The following ANKS1B variants were observed in gnomAD, a reference collection of about 807,000 sequenced individuals.
ANKS1B encodes the protein ankyrin repeat and sterile alpha motif domain-containing protein 1B.
In ANKS1B, 36 loss-of-function variants were observed where a neutral mutation model predicts 148.3. That is an observed-to-expected ratio of 0.24 (90% CI 0.19 to 0.32). The LOEUF (loss-of-function observed/expected upper bound fraction) is 0.32. Among genes scored for constraint, ANKS1B ranks in the 10% least tolerant of loss-of-function variants. The pLI, the probability that ANKS1B is intolerant of heterozygous loss-of-function variation, is 1.00. For synonymous variants in ANKS1B, 542 were observed against 560.8 expected (o/e 0.97, Z 0.47); for missense variants, 1,157 against 1,542.6 (o/e 0.75, Z 4.19).
chr12:99,043,703 AG>A (rs1568524822), intron 17 of ANKS1B, among the ~76,000 whole-genome samples: 2 of 152,258 alleles, frequency 1.3e-5, no homozygotes, highest in Non-Finnish European at 2.9e-5. Flanking sequence ...TCTTTAGAAC[AG>A]ATATAAATCC....
chr12:99,263,083 G>C (rs1306182365), intron 12 of ANKS1B, among the ~76,000 whole-genome samples: 1 of 151,902 alleles, frequency 6.6e-6, no homozygotes, highest in Non-Finnish European at 1.5e-5. Flanking sequence ...ATAATACTCT[G>C]GGGTATTATG....
intron 4 of ANKS1B, among the ~76,000 whole-genome samples, chr12:99,786,807 A>G (rs1474738126): frequency 6.6e-6 from 1 of 152,240 alleles, no homozygotes; most frequent in Admixed American, 6.5e-5. Flanking sequence ...TGAAGCTCTA[A>G]GAAATACAAA....
chr12:99,201,333 A>C (rs1404061866), intron 14 of ANKS1B, among the ~76,000 whole-genome samples: 1 of 151,956 alleles, frequency 6.6e-6, no homozygotes, highest in Non-Finnish European at 1.5e-5. Flanking sequence ...GAAAAAAAAA[A>C]CCCTAGAAAC....
chr12:99,065,637 TC>T (rs71801250), intron 16 of ANKS1B, among the ~76,000 whole-genome samples: 2,995 of 29,058 alleles, frequency 0.1, 49 homozygotes, highest in African/African-American at 0.17. Flanking sequence ...CATCCATCCA[TC>T]CCATCCATCC....
At chr12:99,435,364 T>A (rs1414959310) in intron 11 of ANKS1B, among the ~76,000 whole-genome samples, 1 of 152,058 alleles carries the variant, frequency 6.6e-6, no homozygotes, top group Non-Finnish European at 1.5e-5. Flanking sequence ...GTAGCCAACA[T>A]CTTCTTAAGT....
chr12:99,219,335 T>C (rs1219907006), intron 14 of ANKS1B, among the ~76,000 whole-genome samples: 1 of 152,172 alleles, frequency 6.6e-6, no homozygotes, highest in African/African-American at 2.4e-5. Context: ...TCCAAGGACC[T>C]AGAAACCATC....
chr12:99,316,479 G>A (rs536106888), intron 12 of ANKS1B, among the ~76,000 whole-genome samples: 1 of 152,186 alleles, frequency 6.6e-6, no homozygotes, highest in Non-Finnish European at 1.5e-5. Flanking sequence ...CTTTTGAGAA[G>A]TGTCTGTTCA....
chr12:99,973,199 T>C (rs766685711), intron 1 of ANKS1B, among the ~76,000 whole-genome samples: 1 of 152,134 alleles, frequency 6.6e-6, no homozygotes, highest in Non-Finnish European at 1.5e-5. Context: ...GATTGAGGAG[T>C]AATTTTGGCT....
At chr12:99,201,696 T>C (rs1406252209) in intron 14 of ANKS1B, among the ~76,000 whole-genome samples, 1 of 152,188 alleles carries the variant, frequency 6.6e-6, no homozygotes, top group Non-Finnish European at 1.5e-5. Flanking sequence ...TAGTAAACAG[T>C]CTTTCTTAGT....
intron 8 of ANKS1B, among the ~76,000 whole-genome samples, chr12:99,656,823 C>T (rs2098452007): frequency 1.3e-5 from 2 of 152,038 alleles, no homozygotes; most frequent in Admixed American, 1.3e-4. Context: ...CTGAATGTAG[C>T]GTTCAGCACA....
chr12:99,039,790 C>T (rs146540060), intron 17 of ANKS1B, among the ~76,000 whole-genome samples: 128 of 152,368 alleles, frequency 8.4e-4, no homozygotes, highest in Middle Eastern at 3.4e-3. Context: ...GCTGCACCCA[C>T]TAACTCGTCC....
chr12:99,552,942 C>T (rs2097236767), intron 9 of ANKS1B, among the ~76,000 whole-genome samples: 1 of 152,020 alleles, frequency 6.6e-6, no homozygotes, highest in African/African-American at 2.4e-5. Context: ...CAGACACAAC[C>T]ATCTATTTTT....
chr12:98,884,264 T>C (rs1382264881), intron 17 of ANKS1B, among the ~76,000 whole-genome samples: 1 of 152,224 alleles, frequency 6.6e-6, no homozygotes, highest in African/African-American at 2.4e-5. Flanking sequence ...TTTCACTAAT[T>C]CATATCAACC....
At chr12:99,120,829 G>A (rs183077353) in intron 15 of ANKS1B, among the ~76,000 whole-genome samples, 33 of 152,274 alleles carry the variant, frequency 2.2e-4, no homozygotes, top group African/African-American at 7.0e-4. Flanking sequence ...ATGTTAAGGA[G>A]AGAGAACTTA....
intron 17 of ANKS1B, among the ~76,000 whole-genome samples, chr12:98,988,008 A>G (rs1451439216): frequency 6.6e-6 from 1 of 152,194 alleles, no homozygotes; most frequent in Non-Finnish European, 1.5e-5. Flanking sequence ...AACAGATAAA[A>G]TTGTATGTAT....
chr12:99,889,793 T>G (rs1212025003), intron 1 of ANKS1B, among the ~76,000 whole-genome samples: 1 of 152,178 alleles, frequency 6.6e-6, no homozygotes, highest in East Asian at 1.9e-4. Context: ...TAAAATATTT[T>G]AGTAGCTTAA....
intron 12 of ANKS1B, among the ~76,000 whole-genome samples, chr12:99,286,970 G>A (rs959520353): frequency 6.6e-6 from 1 of 152,116 alleles, no homozygotes; most frequent in Non-Finnish European, 1.5e-5. Flanking sequence ...GGGCCAGGGG[G>A]GAGCTCACCA....
chr12:99,627,763 T>G (rs1423266943), intron 9 of ANKS1B, among the ~76,000 whole-genome samples: 1 of 152,058 alleles, frequency 6.6e-6, no homozygotes, highest in African/African-American at 2.4e-5. Context: ...ACAGCTATAA[T>G]AAAAGGCAGA....
intron 25 of ANKS1B, among the ~76,000 whole-genome samples, chr12:98,760,769 C>A (rs1331886358): frequency 6.6e-6 from 1 of 152,166 alleles, no homozygotes; most frequent in Non-Finnish European, 1.5e-5. Context: ...CGGAATTGAC[C>A]CTTTAATGGT....
Sources: gnomAD v4.1 joint callset for allele counts (sites outside exome capture counted in the v4.1 genomes callset) on GRCh38, gnomAD v4.1.1 for gene constraint, MANE v1.5 for transcripts, NCBI Gene and HGNC (gene_info 2026-07-23, HGNC 2026-07-21) for gene names.